The following CNOT7 variants were observed in gnomAD, a reference collection of about 807,000 sequenced individuals.
CNOT7 encodes the protein BTG1-binding factor 1.
A neutral mutation model predicts 37.1 loss-of-function variants in CNOT7; 4 were observed. The observed-to-expected ratio is 0.11, with a 90% CI of 0.05 to 0.25. The LOEUF (loss-of-function observed/expected upper bound fraction) is 0.25, where lower values mean the gene tolerates loss of function less well. Ranked by LOEUF, CNOT7 falls within the 10% of genes least tolerant of loss-of-function variation. The pLI is 1.00. For missense variants in CNOT7, 170 were observed against 336.2 expected (o/e 0.51, Z 3.87); for synonymous variants, 128 against 115.6 (o/e 1.11, Z -0.69).
intron 5 of CNOT7, among the ~76,000 whole-genome samples, chr8:17,232,985 T>A (rs995974301): frequency 9.9e-5 from 15 of 152,212 alleles, no homozygotes; most frequent in Non-Finnish European, 1.8e-4. Flanking sequence ...AACAAAGCCA[T>A]TATGAATAAT....
chr8:17,245,755 G>C (rs1259028349), intron 1 of CNOT7: 1 of 151,902 alleles, frequency 6.6e-6, no homozygotes, highest in Non-Finnish European at 1.5e-5. Context: ...AATGCTCTGA[G>C]AAAAAAGTAA....
At chr8:17,241,832 C>A (rs189200489) in intron 3 of CNOT7, 3 of 152,262 alleles carry the variant, frequency 2.0e-5, no homozygotes, top group East Asian at 1.9e-4. Flanking sequence ...CATCAAACTT[C>A]TAGATAAAGA....
intron 3 of CNOT7, among the ~76,000 whole-genome samples, chr8:17,239,783 A>C (rs536787503): frequency 6.6e-6 from 1 of 152,198 alleles, no homozygotes. Context: ...GTGAGCCACC[A>C]CGCCCAGCCT....
intron 5 of CNOT7, among the ~76,000 whole-genome samples, chr8:17,233,125 A>C (rs900125243): frequency 6.6e-6 from 1 of 152,162 alleles, no homozygotes; most frequent in African/African-American, 2.4e-5. Context: ...GAAAGATGAG[A>C]GTGGAAAGAG....
chr8:17,231,760 T>G lies in CNOT7; in HGVS notation c.729+667A>C, dbSNP rs902072487. The G allele has an allele frequency of 1.9e-5, 19 of 985,384 alleles. No homozygotes were observed. In the South Asian group the frequency reaches 5.2e-4, roughly 27 times the overall value. 61.0% of individuals were successfully genotyped at this position (985,384 alleles called of 1,614,324 possible). ...CTTAGGAGTAGATAATGGGTTCATT[T>G]AGTTTCATTCTTCCATCCCTAACAC... On this transcript the variant is annotated intron_variant, in intron 6 of 6. Transcript: ENST00000361272.
At chr8:17,231,869 G>T (rs926540150) in intron 6 of CNOT7, 3 of 985,648 alleles carry the variant, frequency 3.0e-6, no homozygotes, top group African/African-American at 1.7e-5. Context: ...TACTACGTTG[G>T]ATTTATTTGA....
intron 3 of CNOT7, 174 bp downstream of exon 3, chr8:17,242,818 T>C (rs1227326061): frequency 6.8e-6 from 3 of 439,958 alleles, no homozygotes; most frequent in Non-Finnish European, 1.2e-5. Flanking sequence ...CAAAGTATTT[T>C]TTTTGGTCCC....
Position 17,226,568 on chromosome 8 carries a change from A to T in CNOT7, c.*4152T>A, listed in dbSNP as rs889842752. On this transcript the variant is annotated 3_prime_UTR_variant, in exon 7 of 7. Coordinates refer to ENST00000361272, the MANE Select transcript of CNOT7 (RefSeq NM_013354.7). ...AAGATTAAGAGGAAACTTTAAAAGC[A>T]TTTAATTGCAGTTAAATGCTTTTAA... 5 of 151,706 alleles carry T rather than the reference A, an allele frequency of 3.3e-5. No individual in the cohort carries two copies. Among genetic ancestry groups the T allele is most frequent in the Non-Finnish European group, 5.9e-5 (4 of 67,726 alleles). The allele number at this position is 151,706 out of a possible 1,614,324, so 9.4% of individuals were successfully genotyped here. A position where few individuals can be genotyped will look rare whatever the true frequency, so the allele number is the denominator to read the frequency against.
intron 6 of CNOT7, chr8:17,231,670 T>C (rs1808633855): frequency 1.0e-6 from 1 of 985,298 alleles, no homozygotes. Context: ...ACCTCACTTG[T>C]TTTTTGCACA....
intron 5 of CNOT7, among the ~76,000 whole-genome samples, chr8:17,233,336 C>T (rs1458995783): frequency 6.6e-6 from 1 of 152,218 alleles, no homozygotes; most frequent in Non-Finnish European, 1.5e-5. Context: ...AGGCTTTGCA[C>T]AGCAGTTGCT....
chr8:17,230,607 C>G lies in CNOT7; in HGVS notation c.*113G>C, dbSNP rs1470174159. ...ACTGAAAGGCAGACAATAAAATGGG[C>G]CATGAAAGGGGGGGGAAAGGTACTG... On this transcript the variant is annotated 3_prime_UTR_variant, in exon 7 of 7. Coordinates refer to ENST00000361272, the MANE Select transcript of CNOT7 (RefSeq NM_013354.7). The G allele has an allele frequency of 2.6e-6, 2 of 777,290 alleles. No individual in the cohort carries two copies. Among genetic ancestry groups the G allele is most frequent in the South Asian group, 3.2e-5 (1 of 30,790 alleles). 48.1% of individuals were successfully genotyped at this position (777,290 alleles called of 1,614,324 possible). A position where few individuals can be genotyped will look rare whatever the true frequency, so the allele number is the denominator to read the frequency against.
chr8:17,226,377 CTT>C lies in CNOT7; in HGVS notation c.*4341_*4342del, dbSNP rs1470312299. On this transcript the variant is annotated 3_prime_UTR_variant, in exon 7 of 7. Transcript: ENST00000361272. ...TCACGTATTTCATCTTTGAAAATGTCTTTTCACACAAACAGGTCAAGGTACTG... is the reference window on the plus strand; with the variant it reads ...TCACGTATTTCATCTTTGAAAATGTCTTCACACAAACAGGTCAAGGTACTG... The C allele has an allele frequency of 1.4e-5, 2 of 146,408 alleles. No individual in the cohort carries two copies. Among genetic ancestry groups the C allele is most frequent in the Non-Finnish European group, 3.1e-5 (2 of 64,270 alleles). 9.1% of individuals were successfully genotyped at this position (146,408 alleles called of 1,614,324 possible).
At position 17,229,125 on chromosome 8, in the gene CNOT7, G is replaced by C. The variant is rs1415030424; in HGVS notation, c.*1595C>G. 6.6e-6 allele frequency: 1 copy of C among 151,792 alleles called. No individual in the cohort carries two copies. The highest frequency in any genetic ancestry group is 2.1e-4 in the South Asian group (1 of 4,830). 9.4% of individuals were successfully genotyped at this position (151,792 alleles called of 1,614,324 possible). A position where few individuals can be genotyped will look rare whatever the true frequency, so the allele number is the denominator to read the frequency against. The stretch of plus-strand genomic sequence containing the variant: ...CAATTAATGGACTAATAATCATCTA[G>C]GGTTAATGAAGGAAGTTACTGAATT... On this transcript the variant is annotated 3_prime_UTR_variant, in exon 7 of 7. Transcript: ENST00000361272.
rs949837609 is a variant in CNOT7, at chr8:17,231,827, G to A, written c.729+600C>T. ...TGATCTCTGCCTTTTGCCGTTTAAGGAGGGTTTTCCTAATATGGTTTCTGA... is the reference window on the plus strand; with the variant it reads ...TGATCTCTGCCTTTTGCCGTTTAAGAAGGGTTTTCCTAATATGGTTTCTGA... On this transcript the variant is annotated intron_variant, in intron 6 of 6. Coordinates refer to ENST00000361272, the MANE Select transcript of CNOT7 (RefSeq NM_013354.7). 4.1e-6 allele frequency: 4 copies of A among 985,554 alleles called. No individual in the cohort carries two copies. In the African/African-American group the frequency reaches 5.2e-5, roughly 13 times the overall value. 61.1% of individuals were successfully genotyped at this position (985,554 alleles called of 1,614,324 possible). A position where few individuals can be genotyped will look rare whatever the true frequency, so the allele number is the denominator to read the frequency against.
intron 3 of CNOT7, 62 bp from the exon 4 acceptor site, chr8:17,237,435 C>T: frequency 2.0e-6 from 3 of 1,483,878 alleles, no homozygotes; most frequent in Non-Finnish European, 2.8e-6. Flanking sequence ...AGCTGTTCTT[C>T]TGCTTACATC....
intron 6 of CNOT7, 111 bp downstream of exon 6, chr8:17,232,316 T>G (rs1808745238): frequency 8.3e-6 from 13 of 1,575,268 alleles, no homozygotes; most frequent in Non-Finnish European, 1.1e-5. Flanking sequence ...ATGGTATCTC[T>G]AATTATATCT....
At position 17,229,440 on chromosome 8, in the gene CNOT7, TA is replaced by T. The variant is rs1358645720; in HGVS notation, c.*1279del. The T allele has an allele frequency of 6.6e-6, 1 of 152,334 alleles. No individual in the cohort carries two copies. The highest frequency in any genetic ancestry group is 1.5e-5 in the Non-Finnish European group (1 of 67,838). 9.4% of individuals were successfully genotyped at this position (152,334 alleles called of 1,614,324 possible). A position where few individuals can be genotyped will look rare whatever the true frequency, so the allele number is the denominator to read the frequency against. ...ATTGAAGTGTAGGTAACACACATTA[TA>T]ACTTGTAGTCCATCATTTCGGGGTA... On this transcript the variant is annotated 3_prime_UTR_variant, in exon 7 of 7. Transcript: ENST00000361272.
At position 17,230,924 on chromosome 8, in the gene CNOT7, T is replaced by C. The variant is rs865775294; in HGVS notation, c.730-76A>G. ...CCACTTGTAATTTATATTTCAGCAA[T>C]GTAAGTACTGACTGTTCACTGACAA... On this transcript the variant is annotated intron_variant, in intron 6 of 6. Transcript: ENST00000361272. 19 of 1,052,908 alleles carry C rather than the reference T, an allele frequency of 1.8e-5. 1 individual carries two copies. In the Middle Eastern group the frequency reaches 1.3e-3, roughly 70 times the overall value. The allele number at this position is 1,052,908 out of a possible 1,614,324, so 65.2% of individuals were successfully genotyped here.
chr8:17,238,193 T>C (rs1178895507), intron 3 of CNOT7, among the ~76,000 whole-genome samples: 4 of 152,222 alleles, frequency 2.6e-5, no homozygotes, highest in Non-Finnish European at 5.9e-5. Flanking sequence ...AAAATACAGA[T>C]ACATTTTTGA....
Sources: gnomAD v4.1 joint callset for allele counts (sites outside exome capture counted in the v4.1 genomes callset) on GRCh38, gnomAD v4.1.1 for gene constraint, MANE v1.5 for transcripts, NCBI Gene and HGNC (gene_info 2026-07-23, HGNC 2026-07-21) for gene names.